Variants in PLXNA4 observed in about 807,000 individuals in gnomAD.
PLXNA4 encodes the protein plexin-A4.
In PLXNA4, 44 loss-of-function variants were observed where a neutral mutation model predicts 191.8. The ratio of observed to expected loss-of-function variants is 0.23; its 90% confidence interval spans 0.18 to 0.29. The LOEUF is 0.29. Among genes scored for constraint, PLXNA4 ranks in the 10% least tolerant of loss-of-function variants. The pLI is 1.00. For synonymous variants in PLXNA4, 1,082 were observed against 1,009.5 expected, an observed-to-expected ratio of 1.07 and a Z score of -1.36; for missense variants, 1,800 against 2,488.8, an observed-to-expected ratio of 0.72 and a Z score of 5.89.
At chr7:132,306,079 C>T (rs112182703) in intron 3 of PLXNA4, among the ~76,000 whole-genome samples, 49 of 152,222 alleles carry the variant, frequency 3.2e-4, no homozygotes, top group African/African-American at 6.3e-4. Flanking sequence ...CACAGAGGCA[C>T]GTGGCAAACC....
chr7:132,304,185 G>T (rs929205832), intron 3 of PLXNA4, among the ~76,000 whole-genome samples: 1 of 152,154 alleles, frequency 6.6e-6, no homozygotes, highest in Non-Finnish European at 1.5e-5. Context: ...GAAAAAGGGC[G>T]TCTGAGGGGA....
chr7:132,131,932 T>C (rs1252369525), intron 31 of PLXNA4, among the ~76,000 whole-genome samples: 2 of 152,206 alleles, frequency 1.3e-5, no homozygotes, highest in Admixed American at 1.3e-4. Flanking sequence ...GCCTGCTGGG[T>C]CTGCTTCTTT....
chr7:132,198,782 C>A lies in PLXNA4; in HGVS notation c.2587-146G>T, dbSNP rs139087326. 3.2e-5 allele frequency: 41 copies of A among 1,274,434 alleles called. No individual in the cohort carries two copies. In the African/African-American group the frequency reaches 5.2e-4, roughly 16 times the overall value. 78.9% of individuals were successfully genotyped at this position (1,274,434 alleles called of 1,614,324 possible). A position where few individuals can be genotyped will look rare whatever the true frequency, so the allele number is the denominator to read the frequency against. ...AGTCACCAAGGGCACCCAAAGCCTG[C>A]GGTAATCAATGGGTAGTAGCTTCTA... On this transcript the variant is annotated intron_variant, in intron 12 of 31. Coordinates refer to ENST00000321063, the MANE Select transcript of PLXNA4 (RefSeq NM_020911.2).
intron 4 of PLXNA4, among the ~76,000 whole-genome samples, chr7:132,284,985 G>T (rs1319279110): frequency 6.6e-6 from 1 of 152,064 alleles, no homozygotes; most frequent in Non-Finnish European, 1.5e-5. Flanking sequence ...AAAGTGCTGG[G>T]ATTATAGGTG....
At chr7:132,262,603 T>C (rs1318339318) in intron 4 of PLXNA4, among the ~76,000 whole-genome samples, 1 of 152,172 alleles carries the variant, frequency 6.6e-6, no homozygotes, top group Admixed American at 6.5e-5. Context: ...CAGCACAGTG[T>C]TATGTACATG....
intron 2 of PLXNA4, among the ~76,000 whole-genome samples, chr7:132,504,958 C>T (rs570945248): frequency 1.3e-5 from 2 of 152,300 alleles, no homozygotes; most frequent in Admixed American, 6.5e-5. Context: ...CCAAAGGAAT[C>T]GTAACAGGAG....
intron 1 of PLXNA4, among the ~76,000 whole-genome samples, chr7:132,647,612 CACAA>C (rs1003912026): frequency 2.0e-5 from 3 of 152,020 alleles, no homozygotes; most frequent in Non-Finnish European, 2.9e-5. Flanking sequence ...GTTATCCACT[CACAA>C]ACACCCACAT....
chr7:132,582,153 G>A (rs74875628), upstream of PLXNA4, among the ~76,000 whole-genome samples: 5,828 of 152,238 alleles, frequency 0.038, 270 homozygotes, highest in African/African-American at 0.1. Context: ...TACAATTCAC[G>A]TCTCCCACAT....
chr7:132,191,720 T>C (rs1272773659), intron 14 of PLXNA4, among the ~76,000 whole-genome samples: 1 of 151,260 alleles, frequency 6.6e-6, no homozygotes, highest in Non-Finnish European at 1.5e-5. Flanking sequence ...CAAAGCCAGA[T>C]TTCTTGCCCA....
At chr7:132,164,374 C>T in intron 23 of PLXNA4, 86 bp from the exon 24 acceptor site, 1 of 1,539,978 alleles carries the variant, frequency 6.5e-7, no homozygotes. Flanking sequence ...GGGCTGCTTC[C>T]ATCCCCTGCC....
intron 3 of PLXNA4, among the ~76,000 whole-genome samples, chr7:132,485,274 G>A (rs968356211): frequency 6.6e-5 from 10 of 152,110 alleles, no homozygotes; most frequent in African/African-American, 7.2e-5. Context: ...TCCATACAGC[G>A]CTCCACCCCC....
chr7:132,258,356 T>C (rs1353979102), intron 4 of PLXNA4, among the ~76,000 whole-genome samples: 1 of 152,232 alleles, frequency 6.6e-6, no homozygotes, highest in African/African-American at 2.4e-5. Context: ...CTTTTCTTCT[T>C]CCTGCTTTCA....
intron 3 of PLXNA4, among the ~76,000 whole-genome samples, chr7:132,423,626 G>T (rs1181552266): frequency 6.6e-6 from 1 of 152,124 alleles, no homozygotes; most frequent in Non-Finnish European, 1.5e-5. Context: ...CAGCAAAAAA[G>T]CTGAGGAATC....
chr7:132,625,104 C>T (rs183158272), intron 2 of PLXNA4, among the ~76,000 whole-genome samples: 1 of 152,140 alleles, frequency 6.6e-6, no homozygotes, highest in African/African-American at 2.4e-5. Flanking sequence ...AACTTGTCCT[C>T]TACTTACTTT....
At chr7:132,169,777 A>G (rs1796229446) in intron 21 of PLXNA4, among the ~76,000 whole-genome samples, 1 of 151,892 alleles carries the variant, frequency 6.6e-6, no homozygotes, top group South Asian at 2.1e-4. Flanking sequence ...CTTGATGGGC[A>G]TGTTCACTTG....
chr7:132,282,284 C>T (rs1800506134), intron 4 of PLXNA4, among the ~76,000 whole-genome samples: 1 of 152,012 alleles, frequency 6.6e-6, no homozygotes, highest in East Asian at 1.9e-4. Context: ...GTATATCTCC[C>T]AATATAGGCC....
chr7:132,606,640 C>T (rs1480043958), intron 2 of PLXNA4, among the ~76,000 whole-genome samples: 2 of 151,066 alleles, frequency 1.3e-5, no homozygotes, highest in African/African-American at 4.9e-5. Context: ...ATTTCCAAAA[C>T]AAGCATTATA....
chr7:132,515,724 G>A (rs577694921), intron 1 of PLXNA4, among the ~76,000 whole-genome samples: 6 of 152,194 alleles, frequency 3.9e-5, no homozygotes, highest in African/African-American at 1.2e-4. Flanking sequence ...CAGAGCTCTT[G>A]GGAAGTCTTC....
At chr7:132,233,407 A>G (rs1022141215) in intron 5 of PLXNA4, among the ~76,000 whole-genome samples, 6 of 152,082 alleles carry the variant, frequency 3.9e-5, no homozygotes, top group African/African-American at 1.4e-4. Context: ...AGTCCTTTCA[A>G]TGTTACAATT....
Sources: allele counts gnomAD v4.1 joint callset (sites outside exome capture counted in the v4.1 genomes callset), GRCh38; gene constraint gnomAD v4.1.1; transcripts MANE v1.5; gene names NCBI Gene and HGNC (gene_info 2026-07-23, HGNC 2026-07-21).